PCED1B: variants seen among roughly 807,000 people sequenced by gnomAD.
PCED1B encodes the protein PC-esterase domain containing 1B.
For missense variants in PCED1B, 573 were observed against 573.9 expected, an observed-to-expected ratio of 1.00 and a Z score of 0.02; for synonymous variants, 251 against 246.1, an observed-to-expected ratio of 1.02 and a Z score of -0.19.
At chr12:47,181,410 C>T (rs1942092869) in intron 2 of PCED1B, among the ~76,000 whole-genome samples, 1 of 150,542 alleles carries the variant, frequency 6.6e-6, no homozygotes, top group South Asian at 2.1e-4. Flanking sequence ...ACTCTTGTTG[C>T]CCAGGCTGGA....
chr12:47,178,297 C>G (rs575108765), intron 2 of PCED1B, among the ~76,000 whole-genome samples: 1 of 152,132 alleles, frequency 6.6e-6, no homozygotes, highest in Non-Finnish European at 1.5e-5. Context: ...GAGGAGGACC[C>G]GGTGGATGCC....
intron 2 of PCED1B, among the ~76,000 whole-genome samples, chr12:47,116,825 G>A (rs1446212215): frequency 6.6e-6 from 1 of 152,110 alleles, no homozygotes; most frequent in East Asian, 1.9e-4. Flanking sequence ...TTATATTTTA[G>A]CACTTTTTAA....
intron 3 of PCED1B, among the ~76,000 whole-genome samples, chr12:47,234,137 C>T (rs935831702): frequency 3.3e-5 from 5 of 152,096 alleles, no homozygotes; most frequent in African/African-American, 9.7e-5. Flanking sequence ...TACAGGCATG[C>T]GCCACCACGC....
rs746531028 is a variant in PCED1B at position 47,235,352 on chromosome 12, G to A, written c.289G>A (p.Val97Met). The A allele has an allele frequency of 8.1e-6, 13 of 1,614,102 alleles. No homozygotes were observed. Among genetic ancestry groups the A allele is most frequent in the Non-Finnish European group, 1.1e-5 (13 of 1,180,036 alleles). The change falls in exon 4 of 4, where the codon GTG (valine) becomes ATG (methionine). Residue 97 changes from valine (V) to methionine (M), a missense_variant. Physicochemically the swap from Val to Met is conservative, Grantham distance 21. Coordinates refer to ENST00000546455, the MANE Select transcript of PCED1B (RefSeq NM_138371.3). Reference protein sequence around the residue: ...HLVRFYFLTRVYSDYLQTILK... With the variant: ...HLVRFYFLTRMYSDYLQTILK... ...GGTACGTTTTTACTTCCTCACCCGC[G>A]TGTACTCCGATTACCTCCAGACCAT...
chr12:47,177,479 T>C (rs1052621852), intron 2 of PCED1B, among the ~76,000 whole-genome samples: 1 of 152,186 alleles, frequency 6.6e-6, no homozygotes, highest in Admixed American at 6.5e-5. Context: ...TAACCTTTGA[T>C]GTACTTGGAG....
chr12:47,150,237 A>G (rs573144069), intron 2 of PCED1B, among the ~76,000 whole-genome samples: 2 of 152,214 alleles, frequency 1.3e-5, no homozygotes, highest in Non-Finnish European at 2.9e-5. Context: ...ATGACAGTAA[A>G]TAAAACAAAG....
chr12:47,157,277 T>C (rs565247631), intron 2 of PCED1B, among the ~76,000 whole-genome samples: 55 of 152,328 alleles, frequency 3.6e-4, no homozygotes, highest in African/African-American at 1.3e-3. Flanking sequence ...ATTTGGAATA[T>C]ACAGAATTAT....
In PCED1B at chr12:47,106,941, C is replaced by T. The variant is rs182673546; in HGVS notation, c.-526+2746C>T. On this transcript the variant is annotated intron_variant, in intron 2 of 3. Transcript: ENST00000546455. ...TTTCCCCAAGTCCTGTTCCTTTCTG[C>T]CTCCTAGGAACCCACTCTGGACAGG... Among the ~76,000 whole-genome samples the T allele has an allele frequency of 5.7e-3, 863 of 152,228 alleles. 9 individuals carry two copies. The highest frequency in any genetic ancestry group is 0.014 in the Admixed American group (213 of 15,292).
At position 47,235,208 on chromosome 12, in the gene PCED1B, A is replaced by C; in HGVS notation, c.145A>C (p.Arg49=). The C allele has an allele frequency of 1.2e-6, 2 of 1,606,950 alleles. No individual in the cohort carries two copies. Among genetic ancestry groups the C allele is most frequent in the Non-Finnish European group, 1.7e-6 (2 of 1,176,132 alleles). ...CCGCCTGCTCACTCCCGGGCAGCTT[A>C]GAGCAAGGGGGGAGCTGAACTTCGA... ...KDRLLTPGQL[R]ARGELNFEQD... Residue 49 remains arginine, a synonymous_variant, in exon 4 of 4, where the codon AGA becomes CGA. Coordinates refer to ENST00000546455, the MANE Select transcript of PCED1B (RefSeq NM_138371.3).
chr12:47,116,842 C>G (rs1939442474), intron 2 of PCED1B, among the ~76,000 whole-genome samples: 1 of 152,144 alleles, frequency 6.6e-6, no homozygotes, highest in African/African-American at 2.4e-5. Context: ...TTAAAAACAG[C>G]TTTACTGAGA....
chr12:47,108,165 G>A (rs955162710), intron 2 of PCED1B, among the ~76,000 whole-genome samples: 3 of 152,136 alleles, frequency 2.0e-5, no homozygotes, highest in African/African-American at 7.2e-5. Context: ...ATAGACACAG[G>A]TGAGTAAGCA....
intron 2 of PCED1B, among the ~76,000 whole-genome samples, chr12:47,125,150 T>C (rs1257193020): frequency 6.6e-6 from 1 of 152,066 alleles, no homozygotes; most frequent in Non-Finnish European, 1.5e-5. Context: ...CCCTTTGTTT[T>C]ACATTTTGGT....
intron 2 of PCED1B, among the ~76,000 whole-genome samples, chr12:47,133,232 G>A (rs1432531106): frequency 6.6e-6 from 1 of 152,128 alleles, no homozygotes; most frequent in Non-Finnish European, 1.5e-5. Flanking sequence ...ACAACATGAT[G>A]TCTGCAAACA....
chr12:47,146,875 TTATAAATTCCA>T (rs1178248219), intron 2 of PCED1B, among the ~76,000 whole-genome samples: 2 of 152,232 alleles, frequency 1.3e-5, no homozygotes, highest in Non-Finnish European at 2.9e-5. Flanking sequence ...ATGACTGTAA[TTATAAATTCCA>T]TCTCTGAGTC....
chr12:47,090,003 C>A (rs906102298), intron 1 of PCED1B, among the ~76,000 whole-genome samples: 2 of 152,164 alleles, frequency 1.3e-5, no homozygotes, highest in African/African-American at 4.8e-5. Context: ...AAACCCCTGA[C>A]CTCAAGTGAT....
chr12:47,144,183 C>T (rs1023649667), intron 2 of PCED1B, among the ~76,000 whole-genome samples: 1 of 152,198 alleles, frequency 6.6e-6, no homozygotes, highest in Non-Finnish European at 1.5e-5. Context: ...CACACCTGGT[C>T]CCACTGTGCC....
rs141870231 is a variant in PCED1B at position 47,161,865 on chromosome 12, T to C, written c.-525-54357T>C. On this transcript the variant is annotated intron_variant, in intron 2 of 3. Coordinates refer to ENST00000546455, the MANE Select transcript of PCED1B (RefSeq NM_138371.3). ...ATAGCAAAGACTTGGAACCAACCCATATGTCCAACAATGATAGACTGGAGT... is the reference window on the plus strand; with the variant it reads ...ATAGCAAAGACTTGGAACCAACCCACATGTCCAACAATGATAGACTGGAGT... Among the ~76,000 whole-genome samples, 995 of 152,234 alleles carry C rather than the reference T, an allele frequency of 6.5e-3. 7 individuals are homozygous for C. Among genetic ancestry groups the C allele is most frequent in the African/African-American group, 0.023 (947 of 41,536 alleles).
chr12:47,217,523 G>GAAAGAAAGAAAGAA (rs879668082), intron 3 of PCED1B, among the ~76,000 whole-genome samples: 1 of 115,656 alleles, frequency 8.6e-6, no homozygotes, highest in Non-Finnish European at 1.7e-5. Flanking sequence ...AAAGAAGAAA[G>GAAAGAAAGAAAGAA]AGAAAGAGAG....
intron 2 of PCED1B, chr12:47,209,762 CT>C (rs1285489633): frequency 2.0e-5 from 3 of 152,264 alleles, no homozygotes; most frequent in African/African-American, 7.2e-5. Flanking sequence ...AGGCTGGTAT[CT>C]TCAGAAAAAT....
Sources: gnomAD v4.1 joint callset for allele counts (sites outside exome capture counted in the v4.1 genomes callset) on GRCh38, gnomAD v4.1.1 for gene constraint, MANE v1.5 for transcripts, NCBI Gene and HGNC (gene_info 2026-07-23, HGNC 2026-07-21) for gene names.